HNF4G: variants seen among roughly 807,000 people sequenced by gnomAD.
HNF4G encodes hepatocyte nuclear factor 4-gamma.
In HNF4G, 21 loss-of-function variants were observed where a neutral mutation model predicts 50.9. The observed-to-expected ratio is 0.41, with a 90% CI of 0.29 to 0.59. The LOEUF is 0.59. HNF4G is among the 20% of genes least tolerant of loss of function. The probability of loss-of-function intolerance (pLI) is 0.26; values close to 1 mark genes in which losing one functional copy is unlikely to be tolerated. For synonymous variants in HNF4G, 198 were observed against 185.6 expected (o/e 1.07, Z -0.54); for missense variants, 527 against 559.4 (o/e 0.94, Z 0.58).
chr8:75,414,392 C>T (rs537537987), intron 1 of HNF4G, among the ~76,000 whole-genome samples: 1 of 152,084 alleles, frequency 6.6e-6, no homozygotes, highest in South Asian at 2.1e-4. Flanking sequence ...GTGTTATTGA[C>T]ATACCATAAA....
chr8:75,551,188 G>A (rs536032839), intron 3 of HNF4G, among the ~76,000 whole-genome samples, 200 bp from the exon 4 acceptor site: 1 of 152,152 alleles, frequency 6.6e-6, no homozygotes, highest in Admixed American at 6.5e-5. Flanking sequence ...GTCTCAAACA[G>A]CATTGTTTTA....
At chr8:75,547,518 AT>A in intron 2 of HNF4G, 68 bp from the exon 3 acceptor site, 2 of 1,095,558 alleles carry the variant, frequency 1.8e-6, no homozygotes, top group Non-Finnish European at 2.8e-6. Flanking sequence ...TTTAAAATCC[AT>A]TTGTCTGTTT....
chr8:75,415,689 A>G (rs937891929), intron 1 of HNF4G, among the ~76,000 whole-genome samples: 2 of 152,122 alleles, frequency 1.3e-5, no homozygotes, highest in Admixed American at 6.6e-5. Context: ...GAAGGCGCAG[A>G]GACTCGGGGC....
chr8:75,547,000 G>T (rs1029056182), intron 2 of HNF4G, among the ~76,000 whole-genome samples: 15 of 152,044 alleles, frequency 9.9e-5, no homozygotes, highest in Non-Finnish European at 2.2e-4. Flanking sequence ...GTGTATGAGG[G>T]CTCCAATTTT....
intron 1 of HNF4G, among the ~76,000 whole-genome samples, chr8:75,487,219 T>G (rs1812519003): frequency 6.6e-6 from 1 of 152,182 alleles, no homozygotes; most frequent in Non-Finnish European, 1.5e-5. Flanking sequence ...TTCTTTTACA[T>G]GTAATTGTAT....
intron 2 of HNF4G, among the ~76,000 whole-genome samples, chr8:75,512,917 C>T (rs1805796064): frequency 1.3e-5 from 2 of 152,072 alleles, no homozygotes; most frequent in South Asian, 4.1e-4. Context: ...GGTTTATGTT[C>T]TAAAAGAGTG....
At chr8:75,537,644 TA>T (rs1461961987), upstream of HNF4G, among the ~76,000 whole-genome samples, 2 of 152,104 alleles carry the variant, frequency 1.3e-5, no homozygotes, top group Admixed American at 1.3e-4. Context: ...TTTGAAAAAC[TA>T]AAATTCTAGA....
At chr8:75,456,599 G>T (rs970432838) in intron 1 of HNF4G, among the ~76,000 whole-genome samples, 1 of 151,974 alleles carries the variant, frequency 6.6e-6, no homozygotes, top group African/African-American at 2.4e-5. Context: ...TATTTCCTTA[G>T]AAAGGGTGAG....
chr8:75,468,552 A>AGTGTGGTGGC (rs1397380890), intron 1 of HNF4G, among the ~76,000 whole-genome samples: 45 of 152,010 alleles, frequency 3.0e-4, no homozygotes, highest in African/African-American at 8.9e-4. Flanking sequence ...AAATTAGCCG[A>AGTGTGGTGGC]GTGTGGTGGC....
At chr8:75,523,350 T>G (rs2130750221) in intron 2 of HNF4G, among the ~76,000 whole-genome samples, 1 of 152,364 alleles carries the variant, frequency 6.6e-6, no homozygotes, top group Non-Finnish European at 1.5e-5. Flanking sequence ...TCCCAGATAC[T>G]AATTCAACTT....
At chr8:75,446,943 T>C (rs1301877722) in intron 1 of HNF4G, among the ~76,000 whole-genome samples, 1 of 138,102 alleles carries the variant, frequency 7.2e-6, no homozygotes, top group Admixed American at 7.3e-5. Flanking sequence ...TTAAAGTTCA[T>C]ATGGAACCAA....
At chr8:75,539,082 A>G (rs1262030074), upstream of HNF4G, among the ~76,000 whole-genome samples, 2 of 152,206 alleles carry the variant, frequency 1.3e-5, no homozygotes, top group African/African-American at 4.8e-5. Context: ...GTTCCTTGTC[A>G]AATATACACA....
chr8:75,470,348 C>T lies in HNF4G; in HGVS notation c.-143-19741C>T, dbSNP rs377205106. On this transcript the variant is annotated intron_variant, in intron 1 of 10. Coordinates refer to the HNF4G transcript ENST00000354370. ...TCACTGTTCTTGGCTTAAGAGAATA[C>T]AGTTAACATTTTGGTACTATATTTT... Among the ~76,000 whole-genome samples the T allele has an allele frequency of 1.7e-4, 26 of 152,294 alleles. No individual in the cohort carries two copies. In the East Asian group the frequency reaches 5.0e-3, roughly 29 times the overall value.
intron 1 of HNF4G, among the ~76,000 whole-genome samples, chr8:75,482,071 A>G (rs1031699092): frequency 6.6e-6 from 1 of 152,204 alleles, no homozygotes; most frequent in Non-Finnish European, 1.5e-5. Flanking sequence ...ATATCACAAT[A>G]TCCTCGAGAA....
At position 75,564,901 on chromosome 8, in the gene HNF4G, T is replaced by A. The variant is rs915167749; in HGVS notation, c.*805T>A. The A allele has an allele frequency of 6.6e-6, 1 of 152,148 alleles. No homozygotes were observed. The highest frequency in any genetic ancestry group is 6.5e-5 in the Admixed American group (1 of 15,272). 9.4% of individuals were successfully genotyped at this position (152,148 alleles called of 1,614,324 possible). A position where few individuals can be genotyped will look rare whatever the true frequency, so the allele number is the denominator to read the frequency against. ...CTAGAAATTAGTACATGCCCACAGC[T>A]GGCTCCCACGGTAGCCAGGAGAATT... On this transcript the variant is annotated 3_prime_UTR_variant, in exon 10 of 10. Coordinates refer to ENST00000396423, the MANE Select transcript of HNF4G (RefSeq NM_004133.5).
chr8:75,476,824 G>A (rs1812251896), intron 1 of HNF4G, among the ~76,000 whole-genome samples: 1 of 152,168 alleles, frequency 6.6e-6, no homozygotes, highest in African/African-American at 2.4e-5. Context: ...CTCTGGGGCA[G>A]GTGAATGAAT....
chr8:75,457,033 G>T (rs1192344340), intron 1 of HNF4G, among the ~76,000 whole-genome samples: 2 of 152,194 alleles, frequency 1.3e-5, no homozygotes, highest in African/African-American at 4.8e-5. Flanking sequence ...GTGAGCACCT[G>T]GCCTAAGAAT....
chr8:75,528,394 T>C (rs1481666503), intron 2 of HNF4G, among the ~76,000 whole-genome samples: 1 of 152,224 alleles, frequency 6.6e-6, no homozygotes, highest in African/African-American at 2.4e-5. Context: ...CAATGAAACA[T>C]ATTTTCTCTA....
rs981962369 is a variant in HNF4G, at chr8:75,545,923, C to A, written c.288-1664C>A. On this transcript the variant is annotated intron_variant, in intron 2 of 9. Transcript: ENST00000396423. ...TGTGTTTTTGTCAATCTGGTCCTCTCTCCTGAGTCTCATCAGCCATTTGTT... is the reference window on the plus strand; with the variant it reads ...TGTGTTTTTGTCAATCTGGTCCTCTATCCTGAGTCTCATCAGCCATTTGTT... Among the ~76,000 whole-genome samples, 10 of 152,172 alleles carry A rather than the reference C, an allele frequency of 6.6e-5. No individual in the cohort carries two copies. In the South Asian group the frequency reaches 1.7e-3, roughly 25 times the overall value.
Sources: allele counts gnomAD v4.1 joint callset (sites outside exome capture counted in the v4.1 genomes callset), GRCh38; gene constraint gnomAD v4.1.1; transcripts MANE v1.5; gene names NCBI Gene and HGNC (gene_info 2026-07-23, HGNC 2026-07-21).